Variants in DRD2 observed in about 807,000 individuals in gnomAD.
DRD2 encodes D(2) dopamine receptor.
Under a neutral mutation model 38.0 loss-of-function variants are expected in DRD2, and 8 were observed. The ratio of observed to expected loss-of-function variants is 0.21; its 90% CI spans 0.12 to 0.38. The LOEUF is 0.38. DRD2 is among the 10% of genes least tolerant of loss of function. The pLI is 1.00. For synonymous variants in DRD2, 230 were observed against 238.6 expected (o/e 0.96, Z 0.33); for missense variants, 403 against 607.7 (o/e 0.66, Z 3.54).
intron 1 of DRD2, among the ~76,000 whole-genome samples, chr11:113,462,316 TCCA>T: frequency 6.6e-6 from 1 of 152,156 alleles, no homozygotes; most frequent in Non-Finnish European, 1.5e-5. Context: ...CCAATTCATG[TCCA>T]CCCGGAAGCT....
Position 113,412,670 on chromosome 11 carries a change from C to G in DRD2, c.1024G>C (p.Glu342Gln). The G allele has an allele frequency of 5.6e-6, 9 of 1,614,192 alleles. No individual in the cohort carries two copies. The highest frequency in any genetic ancestry group is 7.6e-6 in the Non-Finnish European group (9 of 1,180,034). Residue 342 changes from glutamate to glutamine, a missense_variant, in exon 7 of 8, where the codon GAG becomes CAG. Physicochemically the swap from Glu to Gln is conservative, Grantham distance 29. Coordinates refer to ENST00000362072, the MANE Select transcript of DRD2 (RefSeq NM_000795.4). ...KDHPKIAKIF[E>Q]IQTMPNGKTR... ...TTGCCATTGGGCATGGTCTGGATCT[C>G]AAAGATCTTGGCAATCTTGGGGTGG... is the stretch of plus-strand genomic sequence containing the variant.
intron 1 of DRD2, among the ~76,000 whole-genome samples, chr11:113,438,204 T>A (rs1951056523): frequency 2.0e-5 from 3 of 152,006 alleles, no homozygotes; most frequent in African/African-American, 7.2e-5. Flanking sequence ...GTTTTTTTTT[T>A]AATCAGACAG....
At chr11:113,411,190 G>T (rs1317123090) in intron 7 of DRD2, among the ~76,000 whole-genome samples, 3 of 151,628 alleles carry the variant, frequency 2.0e-5, no homozygotes, top group Non-Finnish European at 3.0e-5. Flanking sequence ...AAATCCAAAA[G>T]GTTACCATTC....
intron 2 of DRD2, among the ~76,000 whole-genome samples, chr11:113,423,195 T>A (rs1411533249): frequency 6.6e-6 from 1 of 152,242 alleles, no homozygotes; most frequent in Non-Finnish European, 1.5e-5. Flanking sequence ...GATTTCTCCA[T>A]CAGCATTTCT....
chr11:113,417,909 T>G (rs373987599), intron 3 of DRD2, 118 bp downstream of exon 3: 1 of 804,976 alleles, frequency 1.2e-6, no homozygotes. Flanking sequence ...TGGACCCCCA[T>G]GCACACAGCC....
intron 1 of DRD2, among the ~76,000 whole-genome samples, chr11:113,427,991 CA>C (rs1950955179): frequency 6.6e-6 from 1 of 152,110 alleles, no homozygotes; most frequent in Non-Finnish European, 1.5e-5. Context: ...GGGAATGCAG[CA>C]AGAAGGCGGC....
chr11:113,423,209 T>C lies in DRD2; in HGVS notation c.285+1158A>G, dbSNP rs370536509. Among the ~76,000 whole-genome samples, 122 of 152,354 alleles carry C rather than the reference T, an allele frequency of 8.0e-4. 4 individuals are homozygous for C. In the South Asian group the frequency reaches 0.025, roughly 31 times the overall value. On this transcript the variant is annotated intron_variant, in intron 2 of 7. Transcript: ENST00000362072. Reference sequence around the variant, plus strand: ...GGATTTCTCCATCAGCATTTCTCCCTGTGACCTGGGTGAAGAAAGGCAACT... The same window carrying C: ...GGATTTCTCCATCAGCATTTCTCCCCGTGACCTGGGTGAAGAAAGGCAACT...
chr11:113,468,526 G>T (rs1404478519), intron 1 of DRD2, among the ~76,000 whole-genome samples: 2 of 151,232 alleles, frequency 1.3e-5, no homozygotes, highest in Admixed American at 6.6e-5. Flanking sequence ...CATTGATCAG[G>T]GTTTTTTTTG....
At chr11:113,413,341 C>A (rs1188548026) in intron 6 of DRD2, 1 of 528,176 alleles carries the variant, frequency 1.9e-6, no homozygotes, top group African/African-American at 1.9e-5. Context: ...GTACCTGCAC[C>A]TGCGTACACA....
At chr11:113,463,405 G>C (rs1951340972) in intron 1 of DRD2, among the ~76,000 whole-genome samples, 1 of 152,188 alleles carries the variant, frequency 6.6e-6, no homozygotes, top group Non-Finnish European at 1.5e-5. Flanking sequence ...CCAGATCTGG[G>C]ACTGGTCTGC....
chr11:113,467,581 C>T (rs1291530618), intron 1 of DRD2, among the ~76,000 whole-genome samples: 6 of 152,234 alleles, frequency 3.9e-5, no homozygotes, highest in Non-Finnish European at 7.3e-5. Context: ...TGTCCTTGTA[C>T]ACCAGTACAT....
intron 1 of DRD2, among the ~76,000 whole-genome samples, chr11:113,437,135 C>T (rs1340503068): frequency 1.3e-5 from 2 of 152,180 alleles, no homozygotes; most frequent in Non-Finnish European, 2.9e-5. Flanking sequence ...GCACCTATTG[C>T]AGGCCAGGCA....
chr11:113,450,886 T>C (rs1255951361), intron 1 of DRD2, among the ~76,000 whole-genome samples: 1 of 152,156 alleles, frequency 6.6e-6, no homozygotes, highest in Non-Finnish European at 1.5e-5. Flanking sequence ...ATTGGGAAAA[T>C]AAAATAGACT....
chr11:113,415,377 G>A lies in DRD2; in HGVS notation c.723+44C>T, dbSNP rs555646231. 4 of 1,578,830 alleles carry A rather than the reference G, an allele frequency of 2.5e-6. No homozygotes were observed. The East Asian group carries it at 6.7e-5, about 27-fold the overall frequency. ...CATAAGATGAGCCCTCTTGGTAATG[G>A]TTAGGTGGGGACCCTTGGAGTTGGT... On this transcript the variant is annotated intron_variant, in intron 5 of 7. Transcript: ENST00000362072.
At chr11:113,474,961 AGGC>A (rs1173219193) in intron 1 of DRD2, 112 bp downstream of exon 1, 3 of 152,200 alleles carry the variant, frequency 2.0e-5, no homozygotes, top group Non-Finnish European at 2.9e-5. Context: ...GCTCCCGAGC[AGGC>A]GGCCAGGAGT....
chr11:113,415,386 G>C (rs1950815387), intron 5 of DRD2, 35 bp downstream of exon 5: 1 of 1,590,746 alleles, frequency 6.3e-7, no homozygotes, highest in Non-Finnish European at 8.6e-7. Flanking sequence ...GGTTAGGTGG[G>C]GACCCTTGGA....
chr11:113,434,784 C>G (rs935774420), intron 1 of DRD2, among the ~76,000 whole-genome samples: 2 of 152,124 alleles, frequency 1.3e-5, no homozygotes, highest in Non-Finnish European at 2.9e-5. Flanking sequence ...CCATCCCCCC[C>G]CATCAGCACC....
At chr11:113,470,015 A>G (rs1319803817) in intron 1 of DRD2, among the ~76,000 whole-genome samples, 1 of 152,176 alleles carries the variant, frequency 6.6e-6, no homozygotes, top group Non-Finnish European at 1.5e-5. Flanking sequence ...GGCCGTTATG[A>G]TGATGAGGCC....
At chr11:113,431,933 C>G (rs1432119337) in intron 1 of DRD2, among the ~76,000 whole-genome samples, 1 of 152,248 alleles carries the variant, frequency 6.6e-6, no homozygotes, top group Non-Finnish European at 1.5e-5. Context: ...CCTGCTCAGG[C>G]CACCCACTGC....
Sources: gnomAD v4.1 joint callset for allele counts (sites outside exome capture counted in the v4.1 genomes callset) on GRCh38, gnomAD v4.1.1 for gene constraint, MANE v1.5 for transcripts, NCBI Gene and HGNC (gene_info 2026-07-23, HGNC 2026-07-21) for gene names.